The following CREBBP variants were observed in gnomAD, a reference collection of about 807,000 sequenced individuals.
CREBBP encodes CREB binding lysine acetyltransferase.
A neutral mutation model predicts 265.0 loss-of-function variants in CREBBP; 19 were observed. The observed-to-expected ratio is 0.07, with a 90% CI of 0.05 to 0.11. The LOEUF (loss-of-function observed/expected upper bound fraction) is 0.11. Ranked by LOEUF, CREBBP falls within the 10% of genes least tolerant of loss-of-function variation. The pLI, the probability that CREBBP is intolerant of heterozygous loss-of-function variation, is 1.00. For synonymous variants in CREBBP, 1,457 were observed against 1,223.7 expected (o/e 1.19, Z -3.98); for missense variants, 2,525 against 3,219.0 (o/e 0.78, Z 5.22).
At chr16:3,861,513 C>T (rs1027256951) in intron 1 of CREBBP, among the ~76,000 whole-genome samples, 8 of 152,084 alleles carry the variant, frequency 5.3e-5, no homozygotes, top group South Asian at 2.1e-4. Flanking sequence ...GCTCAACAGC[C>T]GCCACTTATC....
chr16:3,746,883 T>C (rs2052354917), intron 21 of CREBBP, among the ~76,000 whole-genome samples: 1 of 152,186 alleles, frequency 6.6e-6, no homozygotes, highest in African/African-American at 2.4e-5. Context: ...AGGTTGTGGC[T>C]GCAGTGAGCT....
chr16:3,749,932 G>A lies in CREBBP; in HGVS notation c.3780-249C>T, dbSNP rs541177166. Among the ~76,000 whole-genome samples the A allele has an allele frequency of 4.6e-5, 7 of 152,098 alleles. No individual in the cohort carries two copies. The South Asian group carries it at 1.5e-3, about 32-fold the overall frequency. On this transcript the variant is annotated intron_variant, in intron 20 of 30. Coordinates refer to ENST00000262367, the MANE Select transcript of CREBBP (RefSeq NM_004380.3). ...TCTGTTTTTTCAGAGACAAGGTCTT[G>A]CTCTGTTGCCCAGGCTGGAGTGCAG...
Position 3,770,705 on chromosome 16 carries a change from G to A in CREBBP, c.2745C>T (p.Thr915=), listed in dbSNP as rs2052981500. ...CCTGGGCTGCTGCCTGGACTGTAGG[G>A]GTGCTCTGGGTTTGGGTAGCACTGG... ...SVPSATQTQS[T]PTVQAAAQAQ... The change falls in exon 14 of 31, where the codon ACC becomes ACT. Residue 915 remains threonine (T), a synonymous_variant. Transcript: ENST00000262367. The A allele has an allele frequency of 6.2e-7, 1 of 1,614,106 alleles. No individual in the cohort carries two copies. The highest frequency in any genetic ancestry group is 8.5e-7 in the Non-Finnish European group (1 of 1,180,016).
In CREBBP at chr16:3,762,413, G is replaced by A. The variant is rs1346389262; in HGVS notation, c.3251-3441C>T. Among the ~76,000 whole-genome samples, 12 of 146,150 alleles carry A rather than the reference G, an allele frequency of 8.2e-5. No individual in the cohort carries two copies. In the East Asian group the frequency reaches 2.0e-3, roughly 24 times the overall value. The stretch of plus-strand genomic sequence containing the variant: ...GAGTCTCGCGCTGTCACCCAGGCTG[G>A]AGTGCAGTGGTGCAATCTCGGCCCC... On this transcript the variant is annotated intron_variant, in intron 16 of 30. Coordinates refer to ENST00000262367, the MANE Select transcript of CREBBP (RefSeq NM_004380.3).
At chr16:3,818,308 T>TTTC (rs980482284) in intron 2 of CREBBP, among the ~76,000 whole-genome samples, 5 of 141,132 alleles carry the variant, frequency 3.5e-5, no homozygotes, top group African/African-American at 1.3e-4. Context: ...CTTTTCTTTT[T>TTTC]TTTTTTTTTT....
chr16:3,777,261 G>A (rs944489992), intron 11 of CREBBP, among the ~76,000 whole-genome samples: 15 of 151,930 alleles, frequency 9.9e-5, no homozygotes, highest in Non-Finnish European at 2.2e-4. Context: ...TGTGAACCCA[G>A]GAGGCGGAGC....
chr16:3,840,796 CTA>C (rs2054551271), intron 2 of CREBBP: 2 of 154,608 alleles, frequency 1.3e-5, no homozygotes, highest in Non-Finnish European at 2.9e-5. Flanking sequence ...ACACTCCTGT[CTA>C]TGCAGAAAGA....
chr16:3,845,810 C>A (rs1175587383), intron 2 of CREBBP, among the ~76,000 whole-genome samples: 2 of 148,530 alleles, frequency 1.3e-5, no homozygotes, highest in Admixed American at 1.4e-4. Flanking sequence ...TCACCTGAGA[C>A]CAGGAGGCAG....
chr16:3,873,807 A>G (rs1464765100), intron 1 of CREBBP, among the ~76,000 whole-genome samples: 2 of 152,170 alleles, frequency 1.3e-5, no homozygotes, highest in South Asian at 2.1e-4. Context: ...TCGGAAGCAA[A>G]TAACAGACCC....
At chr16:3,735,071 C>T (rs1221943332) in intron 28 of CREBBP, among the ~76,000 whole-genome samples, 2 of 152,254 alleles carry the variant, frequency 1.3e-5, no homozygotes, top group Non-Finnish European at 2.9e-5. Context: ...ACCATCATCT[C>T]TTCCCCAGAC....
chr16:3,812,014 G>A (rs1488241999), intron 2 of CREBBP, among the ~76,000 whole-genome samples: 1 of 152,028 alleles, frequency 6.6e-6, no homozygotes, highest in Non-Finnish European at 1.5e-5. Flanking sequence ...TAACCCCTGA[G>A]TTGCTTAAGG....
chr16:3,757,175 G>T, intron 19 of CREBBP, 113 bp downstream of exon 19: 1 of 945,498 alleles, frequency 1.1e-6, no homozygotes, highest in Non-Finnish European at 1.7e-6. Flanking sequence ...CACCCGGCCT[G>T]AAATTGGGCC....
intron 19 of CREBBP, among the ~76,000 whole-genome samples, chr16:3,752,388 G>A (rs920417390): frequency 6.6e-6 from 1 of 151,322 alleles, no homozygotes; most frequent in African/African-American, 2.4e-5. Context: ...TTTTATTTCC[G>A]GTATTAAGCC....
chr16:3,745,511 A>T (rs2052321550), intron 21 of CREBBP, 157 bp from the exon 22 acceptor site: 7 of 695,432 alleles, frequency 1.0e-5, no homozygotes, highest in Non-Finnish European at 1.3e-5. Flanking sequence ...ATATTTTACA[A>T]TGCATCCGTA....
intron 20 of CREBBP, among the ~76,000 whole-genome samples, chr16:3,749,910 G>GT (rs998318192): frequency 6.6e-6 from 1 of 152,122 alleles, no homozygotes; most frequent in African/African-American, 2.4e-5. Context: ...TTTTCCTTCT[G>GT]TTTTTTCAGA....
At chr16:3,745,522 T>A (rs554035340) in intron 21 of CREBBP, 168 bp from the exon 22 acceptor site, 1 of 678,504 alleles carries the variant, frequency 1.5e-6, no homozygotes, top group Admixed American at 2.1e-5. Context: ...TGCATCCGTA[T>A]GATATCTTCT....
chr16:3,843,243 T>C (rs958293481), intron 2 of CREBBP, among the ~76,000 whole-genome samples: 4 of 152,168 alleles, frequency 2.6e-5, no homozygotes, highest in African/African-American at 2.4e-5. Context: ...ATCTGTAACA[T>C]GTGACTTGCC....
At chr16:3,759,535 C>T (rs754066880) in intron 16 of CREBBP, among the ~76,000 whole-genome samples, 4 of 149,010 alleles carry the variant, frequency 2.7e-5, no homozygotes, top group African/African-American at 7.7e-5. Flanking sequence ...TGCAGTGAGC[C>T]GAGATTGCGC....
At chr16:3,877,455 T>C (rs1439085552) in intron 1 of CREBBP, among the ~76,000 whole-genome samples, 1 of 152,206 alleles carries the variant, frequency 6.6e-6, no homozygotes, top group African/African-American at 2.4e-5. Context: ...CAGGCTGGAG[T>C]GCAGTGGCGC....
Sources: allele counts gnomAD v4.1 joint callset (sites outside exome capture counted in the v4.1 genomes callset), GRCh38; gene constraint gnomAD v4.1.1; transcripts MANE v1.5; gene names NCBI Gene and HGNC (gene_info 2026-07-23, HGNC 2026-07-21).